The following CAMK4 variants were observed in gnomAD, a reference collection of about 807,000 sequenced individuals.
The protein encoded by CAMK4 is calcium/calmodulin dependent protein kinase IV.
A neutral mutation model predicts 44.9 loss-of-function variants in CAMK4; 22 were observed. That is an observed-to-expected ratio of 0.49 (90% CI 0.35 to 0.70). The LOEUF is 0.70. Among genes scored for constraint, CAMK4 ranks in the 30% least tolerant of loss-of-function variants. The pLI, the probability that CAMK4 is intolerant of heterozygous loss-of-function variation, is 0.01. For synonymous variants in CAMK4, 218 were observed against 215.4 expected (o/e 1.01, Z -0.11); for missense variants, 498 against 586.8 (o/e 0.85, Z 1.56).
At chr5:111,314,628 A>G (rs1001037303) in intron 1 of CAMK4, among the ~76,000 whole-genome samples, 5 of 152,096 alleles carry the variant, frequency 3.3e-5, no homozygotes, top group African/African-American at 9.7e-5. Flanking sequence ...GAACCAATTA[A>G]TTAGTTCCCA....
At chr5:111,371,931 T>G (rs1273779669) in intron 2 of CAMK4, among the ~76,000 whole-genome samples, 1 of 152,176 alleles carries the variant, frequency 6.6e-6, no homozygotes, top group African/African-American at 2.4e-5. Flanking sequence ...ACAGCAGAAT[T>G]GAGGTACAAA....
intron 5 of CAMK4, among the ~76,000 whole-genome samples, chr5:111,418,515 A>G (rs1752896655): frequency 6.6e-6 from 1 of 151,936 alleles, no homozygotes; most frequent in Admixed American, 6.6e-5. Flanking sequence ...ATATGCATAC[A>G]TGTGCCATAT....
At chr5:111,320,119 CA>C (rs1270781052) in intron 1 of CAMK4, among the ~76,000 whole-genome samples, 1 of 152,034 alleles carries the variant, frequency 6.6e-6, no homozygotes, top group Non-Finnish European at 1.5e-5. Flanking sequence ...GTGATGTAAA[CA>C]AAAAGAGAAG....
intron 7 of CAMK4, among the ~76,000 whole-genome samples, chr5:111,472,544 T>G (rs779325059): frequency 3.3e-5 from 5 of 152,210 alleles, no homozygotes; most frequent in Non-Finnish European, 5.9e-5. Context: ...ATCCAGTTAA[T>G]TACCCATTTT....
intron 5 of CAMK4, among the ~76,000 whole-genome samples, chr5:111,408,979 G>A (rs1274272428): frequency 6.6e-6 from 1 of 152,134 alleles, no homozygotes; most frequent in Non-Finnish European, 1.5e-5. Flanking sequence ...GGCTTTTCAG[G>A]GTACAGCTTC....
At chr5:111,410,633 A>T (rs1397656405) in intron 5 of CAMK4, among the ~76,000 whole-genome samples, 3 of 152,166 alleles carry the variant, frequency 2.0e-5, no homozygotes, top group African/African-American at 7.2e-5. Context: ...TTAGGGAATA[A>T]AGTTCTGTTT....
chr5:111,404,342 C>A (rs1752339212), intron 5 of CAMK4, among the ~76,000 whole-genome samples: 1 of 152,110 alleles, frequency 6.6e-6, no homozygotes, highest in South Asian at 2.1e-4. Flanking sequence ...CTGTCTAGAA[C>A]CAGTCCATGG....
intron 2 of CAMK4, among the ~76,000 whole-genome samples, chr5:111,345,450 A>C (rs1749826132): frequency 6.6e-6 from 1 of 151,938 alleles, no homozygotes; most frequent in African/African-American, 2.4e-5. Flanking sequence ...AACTTTTATG[A>C]AATAGAATTT....
At position 111,482,827 on chromosome 5, in the gene CAMK4, A is replaced by C; in HGVS notation, c.871A>C (p.Thr291Pro). The C allele has an allele frequency of 6.2e-7, 1 of 1,612,498 alleles. No individual in the cohort carries two copies. The highest frequency in any genetic ancestry group is 1.1e-5 in the South Asian group (1 of 90,730). Residue 291 changes from threonine (T) to proline (P), a missense_variant, in exon 10 of 11, where the codon ACA (threonine) becomes CCA (proline). By Grantham distance (38) the Thr-to-Pro change is conservative. Transcript: ENST00000282356. This position sits in a 1 kb window ranked among gnomAD's most constrained non-coding sequence, Gnocchi z 4.9. ...IVLDPKKRLTTFQALQHPWVT... is the reference protein window; with the variant it reads ...IVLDPKKRLTPFQALQHPWVT... Reference sequence around the variant, plus strand: ...TTTGGATCCAAAGAAACGGCTGACTACATTTCAAGCTCTCCAGCATCCGTG... The same window carrying C: ...TTTGGATCCAAAGAAACGGCTGACTCCATTTCAAGCTCTCCAGCATCCGTG...
At chr5:111,299,926 A>G (rs1747649676) in intron 1 of CAMK4, among the ~76,000 whole-genome samples, 1 of 152,148 alleles carries the variant, frequency 6.6e-6, no homozygotes, top group African/African-American at 2.4e-5. Flanking sequence ...CAATATTTTT[A>G]AATGTCACCT....
At chr5:111,391,943 A>G (rs1751815689) in intron 4 of CAMK4, among the ~76,000 whole-genome samples, 1 of 152,172 alleles carries the variant, frequency 6.6e-6, no homozygotes, top group African/African-American at 2.4e-5. Context: ...GAAAATTGTC[A>G]CCTACTTAAG....
At chr5:111,339,231 G>C (rs1749538620) in intron 1 of CAMK4, among the ~76,000 whole-genome samples, 1 of 150,986 alleles carries the variant, frequency 6.6e-6, no homozygotes, top group African/African-American at 2.4e-5. Context: ...TTTCTAGTTT[G>C]ATATAATTTC....
chr5:111,460,373 G>A (rs1754602511), intron 7 of CAMK4, among the ~76,000 whole-genome samples: 1 of 144,152 alleles, frequency 6.9e-6, no homozygotes, highest in African/African-American at 2.5e-5. Context: ...CCAGGTTCAA[G>A]CAATTCTCCT....
intron 1 of CAMK4, among the ~76,000 whole-genome samples, chr5:111,227,828 A>G (rs938364087): frequency 2.0e-5 from 3 of 152,238 alleles, no homozygotes; most frequent in Non-Finnish European, 4.4e-5. Flanking sequence ...AGAGTTTTTC[A>G]AAAAGTTTAC....
chr5:111,421,250 C>T (rs967684132), intron 5 of CAMK4, among the ~76,000 whole-genome samples: 32 of 152,206 alleles, frequency 2.1e-4, no homozygotes, highest in Non-Finnish European at 3.7e-4. Flanking sequence ...AGCCTATGTA[C>T]ACTGCGCCTG....
chr5:111,412,664 G>C (rs1373472329), intron 5 of CAMK4, among the ~76,000 whole-genome samples: 1 of 152,158 alleles, frequency 6.6e-6, no homozygotes, highest in Non-Finnish European at 1.5e-5. Flanking sequence ...AAGGTAGAAG[G>C]TGGGACTCAA....
chr5:111,243,503 C>G (rs1438636989), intron 1 of CAMK4, among the ~76,000 whole-genome samples: 1 of 152,150 alleles, frequency 6.6e-6, no homozygotes, highest in Non-Finnish European at 1.5e-5. Context: ...TTTTGTCAAG[C>G]AAAGAATCTT....
At chr5:111,249,666 ATG>A (rs3066628) in intron 1 of CAMK4, among the ~76,000 whole-genome samples, 19,990 of 140,114 alleles carry the variant, frequency 0.14, 1,438 homozygotes, top group Non-Finnish European at 0.15. Flanking sequence ...GTGTATATAT[ATG>A]TGTGTGTGTG....
At chr5:111,265,455 C>T (rs955853599) in intron 1 of CAMK4, among the ~76,000 whole-genome samples, 21 of 152,124 alleles carry the variant, frequency 1.4e-4, no homozygotes, top group Non-Finnish European at 2.9e-5. Flanking sequence ...TTAGCATATT[C>T]GCGGGTAGTC....
Sources: allele counts gnomAD v4.1 joint callset (sites outside exome capture counted in the v4.1 genomes callset), GRCh38; gene constraint gnomAD v4.1.1; non-coding constraint Gnocchi (gnomAD v3.1); transcripts MANE v1.5; gene names NCBI Gene and HGNC (gene_info 2026-07-23, HGNC 2026-07-21).